The following MBD2 variants were observed in gnomAD, a reference collection of about 807,000 sequenced individuals.
MBD2 encodes the protein methyl-CpG-binding domain protein 2.
A neutral mutation model predicts 39.3 loss-of-function variants in MBD2; 9 were observed. That is an observed-to-expected ratio of 0.23 (90% CI 0.14 to 0.40). MBD2 has a LOEUF of 0.40. Among genes scored for constraint, MBD2 ranks in the 10% least tolerant of loss-of-function variants. The pLI is 1.00. For missense variants in MBD2, 458 were observed against 532.6 expected, an observed-to-expected ratio of 0.86 and a Z score of 1.38; for synonymous variants, 233 against 211.1, an observed-to-expected ratio of 1.10 and a Z score of -0.90.
chr18:54,175,869 G>T (rs2086209566), intron 3 of MBD2, among the ~76,000 whole-genome samples: 1 of 152,140 alleles, frequency 6.6e-6, no homozygotes, highest in African/African-American at 2.4e-5. Flanking sequence ...TTCTCTGTAT[G>T]TTTCTGTATT....
intron 3 of MBD2, among the ~76,000 whole-genome samples, chr18:54,168,613 T>TTG (rs60604906): frequency 0.018 from 2,085 of 117,064 alleles, 31 homozygotes; most frequent in South Asian, 0.022. Context: ...GTATGCATAT[T>TTG]TGTGTGTGTG....
intron 3 of MBD2, among the ~76,000 whole-genome samples, chr18:54,181,794 C>T (rs886289316): frequency 1.3e-5 from 2 of 152,200 alleles, no homozygotes; most frequent in African/African-American, 4.8e-5. Flanking sequence ...CCACTGTGCC[C>T]GGCCATCAGT....
At chr18:54,216,190 A>C (rs2086559378) in intron 1 of MBD2, among the ~76,000 whole-genome samples, 1 of 152,110 alleles carries the variant, frequency 6.6e-6, no homozygotes, top group South Asian at 2.1e-4. Context: ...ATCATTTTAG[A>C]CCTAAAAGCC....
At chr18:54,195,788 A>G (rs1297183698) in intron 2 of MBD2, among the ~76,000 whole-genome samples, 1 of 152,182 alleles carries the variant, frequency 6.6e-6, no homozygotes, top group Non-Finnish European at 1.5e-5. Context: ...TTCTAAATAA[A>G]TAGCAGTTAT....
At chr18:54,196,589 G>A (rs932723139) in intron 2 of MBD2, among the ~76,000 whole-genome samples, 65 of 152,124 alleles carry the variant, frequency 4.3e-4, no homozygotes, top group African/African-American at 1.4e-3. Context: ...TTTCTGTAGG[G>A]CTTAATTCTA....
intron 3 of MBD2, among the ~76,000 whole-genome samples, chr18:54,177,815 T>C (rs1163813721): frequency 2.0e-5 from 3 of 147,852 alleles, no homozygotes; most frequent in African/African-American, 7.4e-5. Flanking sequence ...GGCACTATTT[T>C]TTTTTTCCTC....
At position 54,224,097 on chromosome 18, in the gene MBD2, G is replaced by A. The variant is rs2086638193; in HGVS notation, c.463C>T (p.Leu155Phe). ...TCCTCCTTCTTCCATCCGGGGGGGA[G>A]GGCCGGGCAATCCATCCTCTTCCCG... ...ESGKRMDCPA[L>F]PPGWKKEEVI... is the part of the protein sequence containing the mutation. The change falls in exon 1 of 7, where the codon CTC becomes TTC. Residue 155 changes from leucine to phenylalanine, a missense_variant. Around this residue, in one of 2 missense-constraint regions of MBD2, gnomAD observed 269 missense variants for 236.0 expected, o/e 1.14. Coordinates refer to ENST00000256429, the MANE Select transcript of MBD2 (RefSeq NM_003927.5). 2 of 1,592,708 alleles carry A rather than the reference G, an allele frequency of 1.3e-6. No individual in the cohort carries two copies. The highest frequency in any genetic ancestry group is 8.5e-7 in the Non-Finnish European group (1 of 1,173,508).
Position 54,180,908 on chromosome 18 carries a change from T to C in MBD2, c.840+7966A>G, listed in dbSNP as rs1438781096. 6.9e-5 allele frequency among the ~76,000 whole-genome samples: 3 copies of C among 43,684 alleles called. No individual in the cohort carries two copies. In the East Asian group the frequency reaches 1.9e-3, roughly 27 times the overall value. The allele number at this position is 43,684 out of a possible 152,430, so 28.7% of individuals were successfully genotyped here. A position where few individuals can be genotyped will look rare whatever the true frequency, so the allele number is the denominator to read the frequency against. On this transcript the variant is annotated intron_variant, in intron 3 of 6. Transcript: ENST00000256429. ...TTCCTTAATTTTTTCTTTTTCTTTT[T>C]TTTTTTTTTTTTTTTTTTGAGACAG... is the stretch of plus-strand genomic sequence containing the variant.
rs562654836 is a variant in MBD2 at position 54,218,659 on chromosome 18, G to T, written c.542+5359C>A. On this transcript the variant is annotated intron_variant, in intron 1 of 6. Coordinates refer to ENST00000256429, the MANE Select transcript of MBD2 (RefSeq NM_003927.5). ...GAGATAACTGTACCTGTTTCATAGG[G>T]TTATAAGAATCCAGTATGATAGGCT... 1.2e-4 allele frequency among the ~76,000 whole-genome samples: 18 copies of T among 152,248 alleles called. No individual in the cohort carries two copies. The East Asian group carries it at 3.1e-3, about 26-fold the overall frequency.
At chr18:54,218,673 G>A (rs1188947985) in intron 1 of MBD2, among the ~76,000 whole-genome samples, 1 of 152,150 alleles carries the variant, frequency 6.6e-6, no homozygotes, top group Non-Finnish European at 1.5e-5. Flanking sequence ...TAAGAATCCA[G>A]TATGATAGGC....
intron 3 of MBD2, among the ~76,000 whole-genome samples, chr18:54,188,648 T>G (rs768443410): frequency 2.6e-5 from 4 of 152,204 alleles, no homozygotes; most frequent in Non-Finnish European, 5.9e-5. Flanking sequence ...AGCATAAAAA[T>G]TTAGTCCATA....
chr18:54,195,928 T>A (rs2086362486), intron 2 of MBD2, among the ~76,000 whole-genome samples: 1 of 152,188 alleles, frequency 6.6e-6, no homozygotes. Flanking sequence ...TTAGGTCAAA[T>A]CAAGGCTATT....
chr18:54,170,993 T>C (rs983911480), intron 3 of MBD2, among the ~76,000 whole-genome samples: 2 of 152,198 alleles, frequency 1.3e-5, no homozygotes, highest in Non-Finnish European at 2.9e-5. Context: ...TCCCCAGAGA[T>C]TCTATTCAAT....
At chr18:54,165,941 G>A (rs1168276184) in intron 4 of MBD2, 135 bp downstream of exon 4, 18 of 597,290 alleles carry the variant, frequency 3.0e-5, no homozygotes, top group Non-Finnish European at 3.6e-5. Context: ...CAAGAGGTAC[G>A]TCATCCAGCA....
rs535844414 is a variant in MBD2 at position 54,154,134 on chromosome 18, T to C, written c.*1190A>G. ...ATAGAATGATTTTACTTTTGCTCTG[T>C]CTCTCAAAATTTGTTTTCATTTGCT... On this transcript the variant is annotated 3_prime_UTR_variant, in exon 7 of 7. Coordinates refer to ENST00000256429, the MANE Select transcript of MBD2 (RefSeq NM_003927.5). 52 of 152,318 alleles carry C rather than the reference T, an allele frequency of 3.4e-4. No individual in the cohort carries two copies. The highest frequency in any genetic ancestry group is 1.2e-3 in the African/African-American group (51 of 41,566). The allele number at this position is 152,318 out of a possible 1,614,324, so 9.4% of individuals were successfully genotyped here.
chr18:54,185,092 T>C (rs1461923539), intron 3 of MBD2, among the ~76,000 whole-genome samples: 1 of 151,260 alleles, frequency 6.6e-6, no homozygotes, highest in African/African-American at 2.5e-5. Context: ...CTGATCTATT[T>C]TACACACTTT....
At chr18:54,193,051 C>T (rs1007723108) in intron 2 of MBD2, among the ~76,000 whole-genome samples, 1 of 152,176 alleles carries the variant, frequency 6.6e-6, no homozygotes, top group Non-Finnish European at 1.5e-5. Context: ...AAAACAGTAT[C>T]ACATGAAGCT....
At chr18:54,218,904 G>A (rs1037960659) in intron 1 of MBD2, among the ~76,000 whole-genome samples, 2 of 151,338 alleles carry the variant, frequency 1.3e-5, no homozygotes, top group African/African-American at 4.9e-5. Flanking sequence ...GGAGGTTGCA[G>A]TGAGCTGAGA....
chr18:54,222,463 A>G, intron 1 of MBD2: 1 of 450,052 alleles, frequency 2.2e-6, no homozygotes, highest in Non-Finnish European at 4.4e-6. Flanking sequence ...GGAAATACAA[A>G]CCAAGACTAT....
Sources: allele counts gnomAD v4.1 joint callset (sites outside exome capture counted in the v4.1 genomes callset), GRCh38; gene constraint gnomAD v4.1.1; regional missense constraint gnomAD v4.1.1; transcripts MANE v1.5; gene names NCBI Gene and HGNC (gene_info 2026-07-23, HGNC 2026-07-21).